The following SGCD variants were observed in gnomAD, a reference collection of about 807,000 sequenced individuals.
The protein encoded by SGCD is delta-sarcoglycan.
Under a neutral mutation model 36.6 loss-of-function variants are expected in SGCD, and 18 were observed. That is an observed-to-expected ratio of 0.49 (90% CI 0.34 to 0.73). SGCD has a LOEUF of 0.73. Ranked by LOEUF, SGCD falls within the 30% of genes least tolerant of loss-of-function variation. SGCD has a pLI of 0.01. For synonymous variants in SGCD, 133 were observed against 130.6 expected (o/e 1.02, Z -0.12); for missense variants, 387 against 346.7 (o/e 1.12, Z -0.92).
rs367985436 is a variant in SGCD, at chr5:156,603,538, G to A, written c.502+8487G>A. 1.8e-3 allele frequency among the ~76,000 whole-genome samples: 273 copies of A among 151,748 alleles called. 1 individual carries two copies. The highest frequency in any genetic ancestry group is 5.6e-3 in the African/African-American group (232 of 41,478). On this transcript the variant is annotated intron_variant, in intron 6 of 8. Coordinates refer to ENST00000337851, the MANE Select transcript of SGCD (RefSeq NM_000337.6). ...TTAATATAAATCATTTTACTTTTTC[G>A]ATATAGGCATTCATTGCTATGAAAT...
intron 1 of SGCD, among the ~76,000 whole-genome samples, chr5:155,940,801 T>C (rs4704874): frequency 0.84 from 127,265 of 151,976 alleles, 53,500 homozygotes; most frequent in Admixed American, 0.9. Context: ...GCCAAGATCG[T>C]GCCACTGCAC....
At chr5:156,209,262 C>T (rs1764373440) in intron 3 of SGCD, among the ~76,000 whole-genome samples, 2 of 152,158 alleles carry the variant, frequency 1.3e-5, no homozygotes, top group Admixed American at 6.5e-5. Context: ...CCCCAGATTC[C>T]AGACCAGTGC....
chr5:156,600,809 T>G (rs1356872534), intron 6 of SGCD, among the ~76,000 whole-genome samples: 1 of 152,144 alleles, frequency 6.6e-6, no homozygotes, highest in East Asian at 1.9e-4. Flanking sequence ...AAGGATTCCC[T>G]TTTTTTACAT....
intron 1 of SGCD, among the ~76,000 whole-genome samples, chr5:155,957,696 T>C (rs1316590858): frequency 6.6e-6 from 1 of 152,108 alleles, no homozygotes; most frequent in Non-Finnish European, 1.5e-5. Context: ...CTAAGGACCC[T>C]TGTGATTACA....
At chr5:155,917,917 T>C (rs890738028) in intron 1 of SGCD, among the ~76,000 whole-genome samples, 1 of 152,138 alleles carries the variant, frequency 6.6e-6, no homozygotes, top group Admixed American at 6.6e-5. Flanking sequence ...CAGGAGAGAA[T>C]TCCCTTGAAG....
At chr5:156,150,772 A>C (rs1438510431) in intron 3 of SGCD, among the ~76,000 whole-genome samples, 1 of 151,652 alleles carries the variant, frequency 6.6e-6, no homozygotes, top group East Asian at 1.9e-4. Flanking sequence ...TTCTCTTATA[A>C]TGAACTTGTT....
At chr5:156,586,327 C>G (rs922290884) in intron 4 of SGCD, among the ~76,000 whole-genome samples, 6 of 152,182 alleles carry the variant, frequency 3.9e-5, no homozygotes, top group African/African-American at 1.4e-4. Flanking sequence ...GTGCCATTGT[C>G]TTTTTATCAT....
At chr5:155,990,147 A>G (rs1758403487) in intron 1 of SGCD, among the ~76,000 whole-genome samples, 1 of 152,174 alleles carries the variant, frequency 6.6e-6, no homozygotes, top group Non-Finnish European at 1.5e-5. Context: ...TGAAAAAAGC[A>G]TGCTTGCAAG....
chr5:155,985,379 C>T (rs1325106803), intron 1 of SGCD, among the ~76,000 whole-genome samples: 1 of 152,126 alleles, frequency 6.6e-6, no homozygotes, highest in Non-Finnish European at 1.5e-5. Context: ...TCAGCTGTGG[C>T]CTCGAATTCT....
chr5:156,304,999 G>A (rs1467787548), intron 3 of SGCD, among the ~76,000 whole-genome samples: 1 of 152,160 alleles, frequency 6.6e-6, no homozygotes, highest in East Asian at 1.9e-4. Flanking sequence ...AGTGACTTGG[G>A]TGCTGTTAAA....
intron 1 of SGCD, among the ~76,000 whole-genome samples, chr5:155,942,280 A>G (rs1757340034): frequency 6.6e-6 from 1 of 151,344 alleles, no homozygotes; most frequent in Non-Finnish European, 1.5e-5. Context: ...TCATCTATGT[A>G]TCTATGTATG....
intron 7 of SGCD, among the ~76,000 whole-genome samples, chr5:156,648,578 G>A (rs1342442713): frequency 2.0e-5 from 3 of 152,110 alleles, no homozygotes; most frequent in Admixed American, 6.6e-5. Context: ...AATAAATTGG[G>A]CCAAAGGAAG....
chr5:156,157,035 G>A lies in SGCD; in HGVS notation c.-44+33016G>A, dbSNP rs117752307. Reference sequence around the variant, plus strand: ...CATTTGAGGTTCTTAATGCTTATGTGAGCAAAATTATCAGGATTTCTCTGT... The same window carrying A: ...CATTTGAGGTTCTTAATGCTTATGTAAGCAAAATTATCAGGATTTCTCTGT... On this transcript the variant is annotated intron_variant, in intron 3 of 9. Coordinates refer to the SGCD transcript ENST00000517913. Among the ~76,000 whole-genome samples, 8 of 151,670 alleles carry A rather than the reference G, an allele frequency of 5.3e-5. No homozygotes were observed. The East Asian group carries it at 9.7e-4, about 18-fold the overall frequency.
the SGCD span, among the ~76,000 whole-genome samples, chr5:155,854,714 C>T: frequency 6.6e-6 from 1 of 152,052 alleles, no homozygotes; most frequent in Non-Finnish European, 1.5e-5. Context: ...TATTGATGTA[C>T]CCTTATCTCT....
chr5:155,785,712 T>A, the SGCD span, among the ~76,000 whole-genome samples: 2 of 152,186 alleles, frequency 1.3e-5, no homozygotes, highest in African/African-American at 2.4e-5. Context: ...GTGGTAAAAG[T>A]ACAAACACAT....
rs1757458130 is a variant in SGCD at position 156,759,476 on chromosome 5, C to T, written c.*86C>T. 1 of 942,170 alleles carries T rather than the reference C, an allele frequency of 1.1e-6. No homozygotes were observed. The highest frequency in any genetic ancestry group is 2.3e-5 in the Admixed American group (1 of 43,800). The allele number at this position is 942,170 out of a possible 1,614,324, so 58.4% of individuals were successfully genotyped here. A position where few individuals can be genotyped will look rare whatever the true frequency, so the allele number is the denominator to read the frequency against. ...GCTGCCAGCTATTTTTACTAGAACA[C>T]AGAAAGCCTATCAAAGACCTTGTGT... is the stretch of plus-strand genomic sequence containing the variant. On this transcript the variant is annotated 3_prime_UTR_variant, in exon 9 of 9. Coordinates refer to ENST00000337851, the MANE Select transcript of SGCD (RefSeq NM_000337.6).
chr5:155,803,311 A>G, the SGCD span, among the ~76,000 whole-genome samples: 5 of 152,354 alleles, frequency 3.3e-5, no homozygotes, highest in African/African-American at 1.2e-4. Context: ...ATCAAAACCG[A>G]GATGCCGGAG....
chr5:156,603,308 T>C (rs192064069), intron 6 of SGCD, among the ~76,000 whole-genome samples: 1 of 152,200 alleles, frequency 6.6e-6, no homozygotes, highest in East Asian at 1.9e-4. Flanking sequence ...ATTTTAGATT[T>C]TATTTGAGTC....
At chr5:156,433,694 C>CT (rs1212716755) in intron 3 of SGCD, among the ~76,000 whole-genome samples, 2 of 152,126 alleles carry the variant, frequency 1.3e-5, no homozygotes, top group Admixed American at 1.3e-4. Flanking sequence ...GCAAAAAAGT[C>CT]TTTTATCAGG....
Sources: gnomAD v4.1 joint callset for allele counts (sites outside exome capture counted in the v4.1 genomes callset) on GRCh38, gnomAD v4.1.1 for gene constraint, MANE v1.5 for transcripts, NCBI Gene and HGNC (gene_info 2026-07-23, HGNC 2026-07-21) for gene names.